Variants in PPP4R3A observed in about 807,000 individuals in gnomAD.
The protein encoded by PPP4R3A is protein phosphatase 4 regulatory subunit 3A.
A neutral mutation model predicts 91.7 loss-of-function variants in PPP4R3A; 15 were observed. The observed-to-expected ratio is 0.16, with a 90% CI of 0.11 to 0.25. The LOEUF (loss-of-function observed/expected upper bound fraction) is 0.25. Among genes scored for constraint, PPP4R3A ranks in the 10% least tolerant of loss-of-function variants. The pLI, the probability that PPP4R3A is intolerant of heterozygous loss-of-function variation, is 1.00. For synonymous variants in PPP4R3A, 377 were observed against 348.7 expected, an observed-to-expected ratio of 1.08 and a Z score of -0.91; for missense variants, 623 against 998.4, an observed-to-expected ratio of 0.62 and a Z score of 5.07.
At chr14:91,466,940 A>AACACACACAAACAC (rs1555434432) in intron 10 of PPP4R3A, among the ~76,000 whole-genome samples, 8 of 147,472 alleles carry the variant, frequency 5.4e-5, no homozygotes, top group Non-Finnish European at 4.5e-5. Context: ...GTCCTACCAT[A>AACACACACAAACAC]ACACACACAC....
Position 91,509,770 on chromosome 14 carries a change from C to T in PPP4R3A, c.-123G>A. The stretch of plus-strand genomic sequence containing the variant: ...GGAGGGCTCCCCGGCCTCACTGCCG[C>T]CGCTGGGCGCCGCGGGGCCGCGCCG... On this transcript the variant is annotated 5_prime_UTR_variant, in exon 1 of 15. Transcript: ENST00000554943. 7.8e-7 allele frequency: 1 copy of T among 1,283,018 alleles called. No homozygotes were observed. The highest frequency in any genetic ancestry group is 9.8e-7 in the Non-Finnish European group (1 of 1,019,514). 79.5% of individuals were successfully genotyped at this position (1,283,018 alleles called of 1,614,324 possible).
At chr14:91,507,395 G>GTATATATACTATATAGTATATA (rs1566660234) in intron 1 of PPP4R3A, among the ~76,000 whole-genome samples, 2 of 71,452 alleles carry the variant, frequency 2.8e-5, no homozygotes, top group African/African-American at 5.6e-5. Context: ...TATAGTATAT[G>GTATATATACTATATAGTATATA]TACTATAATT....
chr14:91,504,198 A>C (rs1298387061), intron 1 of PPP4R3A, among the ~76,000 whole-genome samples: 2 of 151,652 alleles, frequency 1.3e-5, no homozygotes, highest in Non-Finnish European at 1.5e-5. Context: ...TTAATTACCC[A>C]GGCACAGTGG....
At chr14:91,499,047 A>T (rs1040685483) in intron 1 of PPP4R3A, among the ~76,000 whole-genome samples, 1 of 151,904 alleles carries the variant, frequency 6.6e-6, no homozygotes, top group Admixed American at 6.6e-5. Flanking sequence ...CTGGCCTCCC[A>T]AAGTGCTGGG....
chr14:91,467,283 AG>A (rs1888532625), intron 10 of PPP4R3A, among the ~76,000 whole-genome samples: 1 of 125,936 alleles, frequency 7.9e-6, no homozygotes, highest in Non-Finnish European at 1.7e-5. Flanking sequence ...AGTAAGATCT[AG>A]GAAGTCAAGT....
intron 7 of PPP4R3A, chr14:91,475,376 G>A (rs542516940): frequency 5.7e-6 from 1 of 173,930 alleles, no homozygotes; most frequent in African/African-American, 2.4e-5. Flanking sequence ...GTTCTCTATG[G>A]CTAGGCAGTA....
At chr14:91,461,308 A>G in intron 14 of PPP4R3A, 73 bp downstream of exon 14, 2 of 1,391,464 alleles carry the variant, frequency 1.4e-6, no homozygotes. Context: ...ACCAAAGGGA[A>G]TCTTAGTCAA....
At chr14:91,463,717 G>A (rs1374652985) in intron 11 of PPP4R3A, among the ~76,000 whole-genome samples, 5 of 152,124 alleles carry the variant, frequency 3.3e-5, no homozygotes, top group Non-Finnish European at 5.9e-5. Context: ...GGGATTACAG[G>A]CATAAGCCAC....
chr14:91,487,844 G>A (rs1237012840), intron 2 of PPP4R3A, among the ~76,000 whole-genome samples: 1 of 152,148 alleles, frequency 6.6e-6, no homozygotes, highest in Non-Finnish European at 1.5e-5. Context: ...AGCCTCCCAA[G>A]TAGCTGGAAC....
chr14:91,504,574 C>T (rs1891168811), intron 1 of PPP4R3A, among the ~76,000 whole-genome samples: 1 of 150,962 alleles, frequency 6.6e-6, no homozygotes. Flanking sequence ...TGCACTCCGG[C>T]CTAAGTGACA....
intron 1 of PPP4R3A, among the ~76,000 whole-genome samples, chr14:91,493,110 T>C (rs1374944070): frequency 6.6e-6 from 1 of 152,066 alleles, no homozygotes; most frequent in South Asian, 2.1e-4. Context: ...AAAAGTAGGC[T>C]GGGCGTGGTG....
intron 2 of PPP4R3A, among the ~76,000 whole-genome samples, chr14:91,486,635 T>C (rs889790098): frequency 3.9e-5 from 6 of 152,138 alleles, no homozygotes; most frequent in African/African-American, 1.4e-4. Context: ...AATAAAAATA[T>C]TTGGCTGGGC....
chr14:91,482,411 A>G (rs928975964), intron 3 of PPP4R3A, among the ~76,000 whole-genome samples: 2 of 152,216 alleles, frequency 1.3e-5, no homozygotes, highest in African/African-American at 2.4e-5. Context: ...GCTTCCCTAT[A>G]AAGTATGAGG....
chr14:91,500,421 GA>G (rs1345643298), intron 1 of PPP4R3A, among the ~76,000 whole-genome samples: 1 of 152,038 alleles, frequency 6.6e-6, no homozygotes, highest in Non-Finnish European at 1.5e-5. Flanking sequence ...AGATGTTCTA[GA>G]TCTCCTGACC....
intron 2 of PPP4R3A, among the ~76,000 whole-genome samples, chr14:91,487,969 G>A (rs757167176): frequency 6.6e-6 from 1 of 152,124 alleles, no homozygotes; most frequent in Non-Finnish European, 1.5e-5. Flanking sequence ...AATTATAGGC[G>A]TGAGCCACCA....
At chr14:91,495,911 C>T (rs938428928) in intron 1 of PPP4R3A, among the ~76,000 whole-genome samples, 1 of 131,920 alleles carries the variant, frequency 7.6e-6, no homozygotes, top group Non-Finnish European at 1.6e-5. Flanking sequence ...AGAGCAAGAC[C>T]CAGTCTCAAA....
chr14:91,480,082 T>C (rs1025651418), intron 4 of PPP4R3A, among the ~76,000 whole-genome samples: 3 of 152,156 alleles, frequency 2.0e-5, no homozygotes, highest in African/African-American at 4.8e-5. Flanking sequence ...GAATTCATGA[T>C]ACTGCACCCT....
At chr14:91,507,526 GTTATATATACTATATATTATATATAGT>G (rs1891461016) in intron 1 of PPP4R3A, among the ~76,000 whole-genome samples, 1 of 126,474 alleles carries the variant, frequency 7.9e-6, no homozygotes, top group Non-Finnish European at 1.6e-5. Context: ...ATATACTATA[GTTATATATACTATATATTATATATAGT>G]TATATATACT....
intron 9 of PPP4R3A, among the ~76,000 whole-genome samples, chr14:91,472,065 CAAAAAA>C (rs549919322): frequency 1.4e-5 from 1 of 70,288 alleles, no homozygotes; most frequent in Non-Finnish European, 2.7e-5. Context: ...ATTCTGTCTC[CAAAAAA>C]AAAAAAAAAA....
Sources: gnomAD v4.1 joint callset for allele counts (sites outside exome capture counted in the v4.1 genomes callset) on GRCh38, gnomAD v4.1.1 for gene constraint, MANE v1.5 for transcripts, NCBI Gene and HGNC (gene_info 2026-07-23, HGNC 2026-07-21) for gene names.